CLSTN2: variants seen among roughly 807,000 people sequenced by gnomAD.
The protein encoded by CLSTN2 is calsyntenin-2.
In CLSTN2, 48 loss-of-function variants were observed where a neutral mutation model predicts 101.2. That is an observed-to-expected ratio of 0.47 (90% CI 0.38 to 0.60). The LOEUF is 0.60. Among genes scored for constraint, CLSTN2 ranks in the 20% least tolerant of loss-of-function variants. The probability of loss-of-function intolerance (pLI) is 0.00; values close to 1 mark genes in which losing one functional copy is unlikely to be tolerated. For missense variants in CLSTN2, 1,160 were observed against 1,238.2 expected (o/e 0.94, Z 0.95); for synonymous variants, 481 against 463.6 (o/e 1.04, Z -0.48).
At chr3:140,482,789 T>C (rs1576592187) in intron 8 of CLSTN2, among the ~76,000 whole-genome samples, 1 of 152,306 alleles carries the variant, frequency 6.6e-6, no homozygotes, top group East Asian at 1.9e-4. Flanking sequence ...TGTGGTGATA[T>C]CCCCTTTATC....
intron 1 of CLSTN2, among the ~76,000 whole-genome samples, chr3:140,051,475 C>T (rs4683792): frequency 0.069 from 10,446 of 152,252 alleles, 418 homozygotes; most frequent in East Asian, 0.16. Flanking sequence ...ATTCTTACCC[C>T]GCCTGCACCC....
At position 140,475,935 on chromosome 3, in the gene CLSTN2, T is replaced by C. The variant is rs531353866; in HGVS notation, c.1344+9204T>C. Among the ~76,000 whole-genome samples, 17 of 152,344 alleles carry C rather than the reference T, an allele frequency of 1.1e-4. No individual in the cohort carries two copies. In the South Asian group the frequency reaches 2.1e-3, roughly 19 times the overall value. Reference sequence around the variant, plus strand: ...GAATGAAGTAACGTCAACACAATTATAAATGCTTAGTAAATCAAATAATCT... The same window carrying C: ...GAATGAAGTAACGTCAACACAATTACAAATGCTTAGTAAATCAAATAATCT... On this transcript the variant is annotated intron_variant, in intron 8 of 16. Coordinates refer to ENST00000458420, the MANE Select transcript of CLSTN2 (RefSeq NM_022131.3).
At chr3:140,101,278 G>A (rs906827899) in intron 1 of CLSTN2, among the ~76,000 whole-genome samples, 1 of 152,116 alleles carries the variant, frequency 6.6e-6, no homozygotes, top group Non-Finnish European at 1.5e-5. Flanking sequence ...GCTGGCCATA[G>A]ACTTACCCAT....
rs113215615 is a variant in CLSTN2, at chr3:140,060,590, T to C, written c.110-115361T>C. Reference sequence around the variant, plus strand: ...CCTCGGCAATGGGAAGGCCGAAGGATGATTGTCATCAGAGCCCAGTGGATA... The same window carrying C: ...CCTCGGCAATGGGAAGGCCGAAGGACGATTGTCATCAGAGCCCAGTGGATA... On this transcript the variant is annotated intron_variant, in intron 1 of 16. Coordinates refer to ENST00000458420, the MANE Select transcript of CLSTN2 (RefSeq NM_022131.3). Among the ~76,000 whole-genome samples, 93 of 152,320 alleles carry C rather than the reference T, an allele frequency of 6.1e-4. 1 individual carries two copies. Among genetic ancestry groups the C allele is most frequent in the African/African-American group, 2.2e-3 (90 of 41,578 alleles).
At chr3:140,037,611 G>A (rs2007679957) in intron 1 of CLSTN2, among the ~76,000 whole-genome samples, 2 of 150,424 alleles carry the variant, frequency 1.3e-5, no homozygotes, top group Admixed American at 6.6e-5. Flanking sequence ...AGGTAAACAC[G>A]TGCCATGGTG....
At chr3:140,020,340 T>A (rs1298678232) in intron 1 of CLSTN2, among the ~76,000 whole-genome samples, 1 of 151,868 alleles carries the variant, frequency 6.6e-6, no homozygotes, top group Non-Finnish European at 1.5e-5. Context: ...GGAGAGAGAG[T>A]GTTTTCCAAG....
chr3:140,286,125 G>A (rs1368519430), intron 2 of CLSTN2, among the ~76,000 whole-genome samples: 1 of 152,076 alleles, frequency 6.6e-6, no homozygotes, highest in Admixed American at 6.5e-5. Context: ...CCCAATTTCT[G>A]AGCAGCTGTG....
At chr3:140,515,239 G>A (rs547055365) in intron 8 of CLSTN2, among the ~76,000 whole-genome samples, 9 of 139,098 alleles carry the variant, frequency 6.5e-5, no homozygotes, top group African/African-American at 2.7e-4. Flanking sequence ...CATTTCTAAT[G>A]GAGCTTCTCT....
intron 1 of CLSTN2, among the ~76,000 whole-genome samples, chr3:140,047,238 T>G (rs1317202263): frequency 7.9e-5 from 12 of 152,208 alleles, no homozygotes; most frequent in Admixed American, 7.9e-4. Flanking sequence ...AAACACCACC[T>G]TGTAGTCAAT....
intron 2 of CLSTN2, among the ~76,000 whole-genome samples, chr3:140,295,688 A>C (rs942986080): frequency 2.0e-5 from 3 of 152,210 alleles, no homozygotes; most frequent in Admixed American, 6.5e-5. Context: ...GTACAAATAC[A>C]TTATAAGTAT....
chr3:139,954,889 G>A (rs990036389), intron 1 of CLSTN2, among the ~76,000 whole-genome samples: 3 of 151,882 alleles, frequency 2.0e-5, no homozygotes, highest in Non-Finnish European at 2.9e-5. Context: ...TTAGTGCACC[G>A]AGCCATTGTC....
chr3:140,487,402 C>G (rs1934260233), intron 8 of CLSTN2, among the ~76,000 whole-genome samples: 1 of 152,194 alleles, frequency 6.6e-6, no homozygotes. Flanking sequence ...AGAGGCTTTC[C>G]TGCCAGTTTC....
intron 2 of CLSTN2, among the ~76,000 whole-genome samples, chr3:140,199,788 C>A (rs1037378787): frequency 1.3e-5 from 2 of 152,170 alleles, no homozygotes; most frequent in Non-Finnish European, 1.5e-5. Context: ...GTGTGGGAAC[C>A]ACTGGGAGGA....
At chr3:140,436,951 C>G (rs2088694024) in intron 5 of CLSTN2, among the ~76,000 whole-genome samples, 1 of 152,146 alleles carries the variant, frequency 6.6e-6, no homozygotes, top group African/African-American at 2.4e-5. Context: ...GTGTCTGTCT[C>G]TGGCCTGAGA....
At chr3:140,035,022 C>A (rs568414724) in intron 1 of CLSTN2, among the ~76,000 whole-genome samples, 1 of 152,322 alleles carries the variant, frequency 6.6e-6, no homozygotes, top group South Asian at 2.1e-4. Flanking sequence ...ATGCCCCTAG[C>A]AGCCTTTATA....
intron 6 of CLSTN2, among the ~76,000 whole-genome samples, chr3:140,456,302 G>C (rs1228499739): frequency 6.6e-6 from 1 of 152,098 alleles, no homozygotes; most frequent in Non-Finnish European, 1.5e-5. Context: ...CCTGGTGATG[G>C]GTCCACTCAC....
At chr3:140,335,264 G>A (rs115548143) in intron 2 of CLSTN2, among the ~76,000 whole-genome samples, 243 of 152,332 alleles carry the variant, frequency 1.6e-3, no homozygotes, top group African/African-American at 5.5e-3. Flanking sequence ...CCCATTTGGT[G>A]GCAGGAAGTG....
chr3:140,099,238 A>G (rs1430557362), intron 1 of CLSTN2, among the ~76,000 whole-genome samples: 1 of 152,208 alleles, frequency 6.6e-6, no homozygotes, highest in Non-Finnish European at 1.5e-5. Context: ...ATGGCTTAAA[A>G]CAACAGAAAT....
intron 1 of CLSTN2, among the ~76,000 whole-genome samples, chr3:140,001,219 A>G (rs2006829237): frequency 6.6e-6 from 1 of 152,126 alleles, no homozygotes; most frequent in African/African-American, 2.4e-5. Context: ...TGTAAGTTAG[A>G]TTATTTGGCT....
Sources: gnomAD v4.1 joint callset for allele counts (sites outside exome capture counted in the v4.1 genomes callset) on GRCh38, gnomAD v4.1.1 for gene constraint, MANE v1.5 for transcripts, NCBI Gene and HGNC (gene_info 2026-07-23, HGNC 2026-07-21) for gene names.